Variants in LDLRAD3 observed in about 807,000 individuals in gnomAD.
LDLRAD3 encodes the protein low-density lipoprotein receptor class A domain-containing protein 3.
A neutral mutation model predicts 29.4 loss-of-function variants in LDLRAD3; 20 were observed. That is an observed-to-expected ratio of 0.68 (90% confidence interval 0.48 to 0.99). LDLRAD3 has a LOEUF of 0.99. Ranked by LOEUF, LDLRAD3 falls within the 50% of genes least tolerant of loss-of-function variation. The pLI is 0.00. For synonymous variants in LDLRAD3, 157 were observed against 192.7 expected (o/e 0.81, Z 1.53); for missense variants, 420 against 454.3 (o/e 0.92, Z 0.69).
chr11:35,980,975 C>T (rs116974370), intron 1 of LDLRAD3, among the ~76,000 whole-genome samples: 1,580 of 152,240 alleles, frequency 0.01, 21 homozygotes, highest in South Asian at 0.019. Flanking sequence ...TGGGGACCCT[C>T]GGGCCACTGC....
At chr11:36,043,180 C>T (rs1419956107) in intron 2 of LDLRAD3, among the ~76,000 whole-genome samples, 3 of 152,096 alleles carry the variant, frequency 2.0e-5, no homozygotes, top group Admixed American at 2.0e-4. Flanking sequence ...GATGTGTTGG[C>T]GGGAGCCTGT....
intron 1 of LDLRAD3, among the ~76,000 whole-genome samples, chr11:35,985,817 C>T (rs1364924621): frequency 6.6e-6 from 1 of 151,926 alleles, no homozygotes; most frequent in South Asian, 2.1e-4. Context: ...CCTCCCCAGC[C>T]ATGTGGAACT....
At chr11:36,039,254 C>T (rs7128706) in intron 2 of LDLRAD3, among the ~76,000 whole-genome samples, 42,430 of 152,018 alleles carry the variant, frequency 0.28, 6,138 homozygotes, top group African/African-American at 0.37. Flanking sequence ...CAGGCGTGAG[C>T]CACCGCGCCC....
chr11:36,111,990 C>T (rs563467157), intron 4 of LDLRAD3, among the ~76,000 whole-genome samples: 8 of 152,158 alleles, frequency 5.3e-5, no homozygotes, highest in Non-Finnish European at 1.2e-4. Flanking sequence ...GATTTTGTGC[C>T]CTTTATCATG....
intron 4 of LDLRAD3, among the ~76,000 whole-genome samples, chr11:36,195,165 A>G (rs1343249796): frequency 6.6e-6 from 1 of 152,226 alleles, no homozygotes; most frequent in African/African-American, 2.4e-5. Context: ...AATGTTAGCC[A>G]CGGCTGCTAT....
intron 4 of LDLRAD3, among the ~76,000 whole-genome samples, chr11:36,113,553 A>G (rs919727812): frequency 1.3e-5 from 2 of 152,206 alleles, no homozygotes; most frequent in Non-Finnish European, 2.9e-5. Context: ...TGGTTGCCTG[A>G]TCATGACATA....
chr11:36,148,519 A>G (rs762628341), intron 4 of LDLRAD3, among the ~76,000 whole-genome samples: 5 of 152,096 alleles, frequency 3.3e-5, no homozygotes, highest in Non-Finnish European at 7.3e-5. Flanking sequence ...TGACAGTTAT[A>G]TTTACCAGTA....
At chr11:36,082,046 T>G (rs946874857) in intron 3 of LDLRAD3, among the ~76,000 whole-genome samples, 2 of 152,236 alleles carry the variant, frequency 1.3e-5, no homozygotes, top group African/African-American at 4.8e-5. Flanking sequence ...TGTATTATCC[T>G]TAGTTAACAG....
intron 1 of LDLRAD3, among the ~76,000 whole-genome samples, chr11:36,001,817 T>A (rs1009587275): frequency 2.0e-5 from 3 of 151,998 alleles, no homozygotes; most frequent in Non-Finnish European, 4.4e-5. Context: ...ACGTTCTTTT[T>A]AAATTTTATA....
chr11:35,951,455 A>C (rs1479400915), intron 1 of LDLRAD3, among the ~76,000 whole-genome samples: 2 of 152,158 alleles, frequency 1.3e-5, no homozygotes, highest in African/African-American at 4.8e-5. Flanking sequence ...AGTCCCAAGC[A>C]ATTTGGCAGT....
At chr11:36,207,129 G>C (rs1400679982) in intron 4 of LDLRAD3, among the ~76,000 whole-genome samples, 1 of 152,164 alleles carries the variant, frequency 6.6e-6, no homozygotes, top group Non-Finnish European at 1.5e-5. Context: ...GTTTCAACTA[G>C]GGGGTTTCCG....
intron 4 of LDLRAD3, among the ~76,000 whole-genome samples, chr11:36,123,428 A>C (rs1199178721): frequency 6.6e-6 from 1 of 152,208 alleles, no homozygotes; most frequent in Non-Finnish European, 1.5e-5. Context: ...GCTGCCCCAC[A>C]GCATGGTTTT....
chr11:36,199,026 A>T (rs546081408), intron 4 of LDLRAD3, among the ~76,000 whole-genome samples: 1 of 152,100 alleles, frequency 6.6e-6, no homozygotes, highest in South Asian at 2.1e-4. Flanking sequence ...TCAGCCTCCC[A>T]AGTAGCTGGG....
chr11:36,111,367 A>G (rs377575930), intron 4 of LDLRAD3, among the ~76,000 whole-genome samples: 2 of 152,044 alleles, frequency 1.3e-5, no homozygotes, highest in Non-Finnish European at 2.9e-5. Context: ...GCTTCCAACA[A>G]GTGGCTTGAA....
Position 36,090,695 on chromosome 11 carries a change from C to G in LDLRAD3, c.320-7632C>G, listed in dbSNP as rs576195826. ...AATTAAAATCCTCGAGTCCTTAGAG[C>G]CTGAGGAAAAGGGAAGCAAGACTGA... is the stretch of plus-strand genomic sequence containing the variant. On this transcript the variant is annotated intron_variant, in intron 3 of 5. Coordinates refer to ENST00000315571, the MANE Select transcript of LDLRAD3 (RefSeq NM_174902.4). Among the ~76,000 whole-genome samples the G allele has an allele frequency of 3.9e-5, 6 of 152,264 alleles. No homozygotes were observed. The South Asian group carries it at 1.0e-3, about 26-fold the overall frequency.
At chr11:36,119,238 A>T (rs2133294250) in intron 4 of LDLRAD3, among the ~76,000 whole-genome samples, 1 of 152,290 alleles carries the variant, frequency 6.6e-6, no homozygotes, top group East Asian at 1.9e-4. Context: ...GATTTTTTTC[A>T]CTTTTTGGCT....
intron 4 of LDLRAD3, among the ~76,000 whole-genome samples, chr11:36,103,934 A>G (rs185448761): frequency 3.0e-3 from 464 of 152,290 alleles, no homozygotes; most frequent in African/African-American, 0.011. Flanking sequence ...TTATCCATTC[A>G]TCCATTGATG....
At chr11:36,152,566 T>A (rs1854292248) in intron 4 of LDLRAD3, among the ~76,000 whole-genome samples, 1 of 152,182 alleles carries the variant, frequency 6.6e-6, no homozygotes, top group Admixed American at 6.5e-5. Flanking sequence ...ATCCTCCATA[T>A]AGTCTGTTTT....
chr11:36,134,615 G>A (rs981116527), intron 4 of LDLRAD3, among the ~76,000 whole-genome samples: 2 of 152,210 alleles, frequency 1.3e-5, no homozygotes, highest in Non-Finnish European at 2.9e-5. Flanking sequence ...CATGGAGAAG[G>A]CAGCAGTGTA....
Sources: allele counts gnomAD v4.1 joint callset (sites outside exome capture counted in the v4.1 genomes callset), GRCh38; gene constraint gnomAD v4.1.1; transcripts MANE v1.5; gene names NCBI Gene and HGNC (gene_info 2026-07-23, HGNC 2026-07-21).